Variants in CEP112 observed in about 807,000 individuals in gnomAD.
CEP112 encodes centrosomal protein 112.
Under a neutral mutation model 153.0 loss-of-function variants are expected in CEP112, and 127 were observed. The observed-to-expected ratio is 0.83, with a 90% CI of 0.72 to 0.96. CEP112 has a LOEUF of 0.96. CEP112 is among the 40% of genes least tolerant of loss of function. The probability of loss-of-function intolerance (pLI) is 0.00; values close to 1 mark genes in which losing one functional copy is unlikely to be tolerated. For synonymous variants in CEP112, 358 were observed against 374.4 expected (o/e 0.96, Z 0.51); for missense variants, 1,089 against 1,101.2 (o/e 0.99, Z 0.16).
At position 65,743,067 on chromosome 17, in the gene CEP112, C is replaced by A. The variant is rs914338243; in HGVS notation, c.2607+1G>T. The A allele has an allele frequency of 2.5e-6, 4 of 1,604,708 alleles. No homozygotes were observed. The African/African-American group carries it at 5.4e-5, about 22-fold the overall frequency. ...ACTGGTTACTGAAGTCTTCAGATTACCTTGATTGCTTGGTCATTATCTCTA... is the reference window on the plus strand; with the variant it reads ...ACTGGTTACTGAAGTCTTCAGATTAACTTGATTGCTTGGTCATTATCTCTA... On this transcript the variant is annotated splice_donor_variant, in intron 23 of 26. Transcript: ENST00000535342. LOFTEE classifies it high-confidence loss of function.
chr17:65,912,118 TCA>T (rs1049452938), intron 19 of CEP112, among the ~76,000 whole-genome samples: 60 of 152,144 alleles, frequency 3.9e-4, no homozygotes, highest in African/African-American at 1.4e-3. Flanking sequence ...GAAAACTGTT[TCA>T]GTTTCACTCA....
chr17:65,640,544 T>C (rs1281038024), intron 25 of CEP112, among the ~76,000 whole-genome samples: 3 of 152,324 alleles, frequency 2.0e-5, no homozygotes, highest in African/African-American at 7.2e-5. Context: ...CATCTTGTTA[T>C]CTCTAACGAC....
intron 21 of CEP112, among the ~76,000 whole-genome samples, chr17:65,823,617 A>C (rs540483319): frequency 3.4e-4 from 51 of 152,188 alleles, no homozygotes; most frequent in Non-Finnish European, 6.5e-4. Context: ...TTTATACACA[A>C]CACCAAAAAC....
chr17:65,868,685 G>C (rs925130780), intron 20 of CEP112, among the ~76,000 whole-genome samples: 6 of 152,226 alleles, frequency 3.9e-5, no homozygotes, highest in Non-Finnish European at 7.4e-5. Context: ...GGTTCAACCT[G>C]TCAATTTATT....
intron 21 of CEP112, among the ~76,000 whole-genome samples, chr17:65,802,207 A>G (rs1176703845): frequency 6.6e-6 from 1 of 152,004 alleles, no homozygotes; most frequent in Non-Finnish European, 1.5e-5. Flanking sequence ...CAGTTTTCTC[A>G]TTGCTTTTAT....
chr17:65,707,919 A>G (rs1567894463), intron 23 of CEP112, among the ~76,000 whole-genome samples: 1 of 152,216 alleles, frequency 6.6e-6, no homozygotes, highest in Non-Finnish European at 1.5e-5. Flanking sequence ...TCAAAAATAT[A>G]TTATTAAGCA....
At chr17:65,936,632 T>G (rs2144353779) in intron 18 of CEP112, among the ~76,000 whole-genome samples, 2 of 152,164 alleles carry the variant, frequency 1.3e-5, no homozygotes, top group Non-Finnish European at 2.9e-5. Context: ...TTTCAACATA[T>G]GCAAATCAAT....
chr17:66,004,078 A>C (rs560260229), intron 17 of CEP112, among the ~76,000 whole-genome samples: 1 of 152,184 alleles, frequency 6.6e-6, no homozygotes, highest in Admixed American at 6.5e-5. Context: ...GAGAAAAAAT[A>C]TGGTAAATTT....
chr17:65,957,438 C>T (rs903691914), intron 18 of CEP112, among the ~76,000 whole-genome samples: 1 of 152,046 alleles, frequency 6.6e-6, no homozygotes, highest in Non-Finnish European at 1.5e-5. Flanking sequence ...TTGCCTTTAG[C>T]ATGCAAAAAT....
At chr17:65,776,094 G>T (rs887186841) in intron 21 of CEP112, among the ~76,000 whole-genome samples, 1 of 152,158 alleles carries the variant, frequency 6.6e-6, no homozygotes, top group South Asian at 2.1e-4. Context: ...CACACAAGTC[G>T]CTGGACTTCT....
intron 6 of CEP112, among the ~76,000 whole-genome samples, chr17:66,112,384 G>A (rs1367531359): frequency 6.6e-6 from 1 of 152,018 alleles, no homozygotes; most frequent in Non-Finnish European, 1.5e-5. Flanking sequence ...TTTCACTGAT[G>A]AGGAATTATG....
chr17:65,743,679 T>C (rs1219740038), intron 22 of CEP112, among the ~76,000 whole-genome samples: 1 of 152,238 alleles, frequency 6.6e-6, no homozygotes, highest in Non-Finnish European at 1.5e-5. Flanking sequence ...CACTAATGTT[T>C]GTGTATTGTG....
intron 23 of CEP112, among the ~76,000 whole-genome samples, chr17:65,691,914 G>A (rs1388849038): frequency 6.6e-6 from 1 of 152,124 alleles, no homozygotes; most frequent in African/African-American, 2.4e-5. Flanking sequence ...TGACTGAAAT[G>A]CTTAAACAAC....
rs71160510 is a variant in CEP112, at chr17:65,951,749, C to CCCG, written c.1872+9713_1872+9714insCGG. Among the ~76,000 whole-genome samples the CCCG allele has an allele frequency of 2.4e-4, 25 of 106,234 alleles. 4 individuals are homozygous for CCCG. The East Asian group carries it at 7.8e-3, about 33-fold the overall frequency. 69.7% of individuals were successfully genotyped at this position (106,234 alleles called of 152,430 possible). ...TCTGCTCTAATCTTCCCCCGCCCCC[C>CCCG]CCTTTCTTCCACTTGCTTAGAAGCT... On this transcript the variant is annotated intron_variant, in intron 18 of 26. Coordinates refer to ENST00000535342, the MANE Select transcript of CEP112 (RefSeq NM_001199165.4).
At chr17:66,159,339 A>T (rs1215732328) in intron 4 of CEP112, among the ~76,000 whole-genome samples, 1 of 152,242 alleles carries the variant, frequency 6.6e-6, no homozygotes, top group East Asian at 1.9e-4. Flanking sequence ...ACTCCTCCCT[A>T]ACTCATTTTA....
intron 23 of CEP112, among the ~76,000 whole-genome samples, chr17:65,700,974 C>T (rs141713403): frequency 2.3e-4 from 35 of 152,234 alleles, no homozygotes; most frequent in African/African-American, 7.2e-4. Context: ...ATTAAATTTT[C>T]GGTCAATGAG....
At chr17:65,679,926 G>A (rs981111903) in intron 24 of CEP112, among the ~76,000 whole-genome samples, 5 of 152,184 alleles carry the variant, frequency 3.3e-5, no homozygotes, top group Non-Finnish European at 4.4e-5. Context: ...AATATTACCC[G>A]AAAGCTACTT....
intron 20 of CEP112, among the ~76,000 whole-genome samples, chr17:65,871,874 C>T (rs938331157): frequency 3.3e-5 from 5 of 152,182 alleles, no homozygotes; most frequent in Non-Finnish European, 7.4e-5. Flanking sequence ...TTACCTTGCT[C>T]TTAATCCCTG....
intron 24 of CEP112, among the ~76,000 whole-genome samples, chr17:65,673,551 T>C (rs2047084408): frequency 1.3e-5 from 2 of 152,178 alleles, no homozygotes; most frequent in Non-Finnish European, 2.9e-5. Flanking sequence ...TGGACCTCCT[T>C]CAGGGGCCAT....
Sources: gnomAD v4.1 joint callset for allele counts (sites outside exome capture counted in the v4.1 genomes callset) on GRCh38, gnomAD v4.1.1 for gene constraint, MANE v1.5 for transcripts, NCBI Gene and HGNC (gene_info 2026-07-23, HGNC 2026-07-21) for gene names.